ATP2B2: variants seen among roughly 807,000 people sequenced by gnomAD.
ATP2B2 encodes plasma membrane calcium-transporting ATPase 2.
Under a neutral mutation model 120.0 loss-of-function variants are expected in ATP2B2, and 15 were observed. The observed-to-expected ratio is 0.12, with a 90% CI of 0.08 to 0.19. The LOEUF (loss-of-function observed/expected upper bound fraction) is 0.19, where lower values mean the gene tolerates loss of function less well. Ranked by LOEUF, ATP2B2 falls within the 10% of genes least tolerant of loss-of-function variation. ATP2B2 has a pLI of 1.00. For synonymous variants in ATP2B2, 694 were observed against 700.3 expected (o/e 0.99, Z 0.14); for missense variants, 1,045 against 1,719.8 (o/e 0.61, Z 6.94).
rs570882153 is a variant in ATP2B2 at position 10,327,017 on chromosome 3, C to T, written c.*1797G>A. Reference sequence around the variant, plus strand: ...TTTTCCTCGAAGCATGGGACATCATCGATCATGGTATTCAAAATGTCTTTT... The same window carrying T: ...TTTTCCTCGAAGCATGGGACATCATTGATCATGGTATTCAAAATGTCTTTT... On this transcript the variant is annotated 3_prime_UTR_variant, in exon 23 of 23. Coordinates refer to ENST00000360273, the MANE Select transcript of ATP2B2 (RefSeq NM_001001331.4). 38 of 397,364 alleles carry T rather than the reference C, an allele frequency of 9.6e-5. No individual in the cohort carries two copies. In the South Asian group the frequency reaches 2.9e-3, roughly 30 times the overall value. 24.6% of individuals were successfully genotyped at this position (397,364 alleles called of 1,614,324 possible).
chr3:10,594,370 T>C (rs1166727240), intron 2 of ATP2B2, among the ~76,000 whole-genome samples: 2 of 152,068 alleles, frequency 1.3e-5, no homozygotes, highest in African/African-American at 4.8e-5. Flanking sequence ...ATATACACCA[T>C]GGAATACTAT....
At chr3:10,564,418 C>T (rs145950867) in intron 2 of ATP2B2, among the ~76,000 whole-genome samples, 37 of 152,272 alleles carry the variant, frequency 2.4e-4, no homozygotes, top group African/African-American at 8.9e-4. Context: ...GGCTATTAAG[C>T]CAGCAGCTCC....
At chr3:10,692,677 C>T (rs943660010) in intron 1 of ATP2B2, among the ~76,000 whole-genome samples, 1 of 152,184 alleles carries the variant, frequency 6.6e-6, no homozygotes, top group African/African-American at 2.4e-5. Context: ...CTCCCCAGGG[C>T]AACACTGGGT....
chr3:10,675,519 C>G (rs1332491974), intron 1 of ATP2B2, among the ~76,000 whole-genome samples: 1 of 152,192 alleles, frequency 6.6e-6, no homozygotes, highest in African/African-American at 2.4e-5. Context: ...ATTTGAGGCT[C>G]TGGTGCAGTC....
intron 22 of ATP2B2, among the ~76,000 whole-genome samples, chr3:10,334,684 T>C (rs1199094499): frequency 1.3e-5 from 2 of 152,228 alleles, no homozygotes; most frequent in African/African-American, 2.4e-5. Context: ...CCTTCCCTGC[T>C]TTCTGCTTCT....
At chr3:10,670,073 G>A (rs571347389) in intron 1 of ATP2B2, among the ~76,000 whole-genome samples, 10 of 152,298 alleles carry the variant, frequency 6.6e-5, no homozygotes, top group African/African-American at 1.7e-4. Context: ...TGAGAGGCAC[G>A]TTTGACAGGG....
intron 2 of ATP2B2, among the ~76,000 whole-genome samples, chr3:10,592,792 A>G (rs896816834): frequency 1.3e-5 from 2 of 151,922 alleles, no homozygotes; most frequent in Non-Finnish European, 2.9e-5. Context: ...CCCTCTCCCA[A>G]CTTTTTTTGG....
rs1251132863 is a variant in ATP2B2, at chr3:10,449,532, C to T, written c.12G>A (p.Met4Ile). The change falls in exon 2 of 23, where the codon ATG becomes ATA. Residue 4 changes from methionine (M) to isoleucine (I), a missense_variant. Around this residue, in one of 11 missense-constraint regions of ATP2B2, gnomAD observed 139 missense variants for 134.2 expected, o/e 1.04. Transcript: ENST00000360273. ...TTTTGGAGTAAAAGTCGCTGTTGGT[C>T]ATGTCACCCATGTTTGCTGCGGTCC... MGDMTNSDFYSKNQ... is the reference protein window; with the variant it reads MGDITNSDFYSKNQ... 1.2e-6 allele frequency: 2 copies of T among 1,614,254 alleles called. No homozygotes were observed. Among genetic ancestry groups the T allele is most frequent in the Non-Finnish European group, 1.7e-6 (2 of 1,180,054 alleles).
At chr3:10,428,950 C>G (rs190558073) in intron 2 of ATP2B2, among the ~76,000 whole-genome samples, 1 of 152,320 alleles carries the variant, frequency 6.6e-6, no homozygotes. Flanking sequence ...AGGGCTTTAG[C>G]AAAAATGAAA....
chr3:10,400,243 A>G (rs2062173902), intron 5 of ATP2B2, among the ~76,000 whole-genome samples: 1 of 152,214 alleles, frequency 6.6e-6, no homozygotes, highest in Non-Finnish European at 1.5e-5. Context: ...GAGAATCCTC[A>G]TCACACTGGG....
chr3:10,668,112 G>GGT (rs2070994045), intron 1 of ATP2B2, among the ~76,000 whole-genome samples: 1 of 152,218 alleles, frequency 6.6e-6, no homozygotes, highest in African/African-American at 2.4e-5. Flanking sequence ...GTGGCATTGG[G>GGT]GTGTGGCCTC....
chr3:10,598,995 T>C (rs968015172), intron 2 of ATP2B2, among the ~76,000 whole-genome samples: 1 of 152,246 alleles, frequency 6.6e-6, no homozygotes, highest in Non-Finnish European at 1.5e-5. Flanking sequence ...CCTGTGTTAC[T>C]GCCCCGGCCC....
upstream of ATP2B2, among the ~76,000 whole-genome samples, chr3:10,508,049 A>T (rs529264219): frequency 2.6e-5 from 4 of 152,072 alleles, no homozygotes; most frequent in African/African-American, 9.7e-5. Context: ...ACCAACGCAC[A>T]CTAGCAGCCA....
intron 8 of ATP2B2, among the ~76,000 whole-genome samples, chr3:10,384,722 C>T (rs1322346805): frequency 2.6e-5 from 4 of 152,218 alleles, no homozygotes; most frequent in Admixed American, 1.3e-4. Flanking sequence ...ACCCCCTGCC[C>T]GTTGGCTCCG....
intron 2 of ATP2B2, among the ~76,000 whole-genome samples, chr3:10,586,016 C>T (rs1328698957): frequency 6.6e-6 from 1 of 152,218 alleles, no homozygotes; most frequent in African/African-American, 2.4e-5. Flanking sequence ...GACATACTGA[C>T]TTTCTCCCTG....
chr3:10,662,112 A>G (rs2070798206), intron 1 of ATP2B2, among the ~76,000 whole-genome samples: 1 of 152,220 alleles, frequency 6.6e-6, no homozygotes, highest in Admixed American at 6.5e-5. Context: ...AGATGGAATA[A>G]AGACTTAAAT....
At position 10,664,182 on chromosome 3, in the gene ATP2B2, G is replaced by A. The variant is rs184384720; in HGVS notation, c.-460+43733C>T. On this transcript the variant is annotated intron_variant, in intron 1 of 21. Transcript: ENST00000646379. ...CCCAGAATCACTGAGCTCCAGAGCCGGCACCCTGCTCCCTTTTCCTTTTAT... is the reference window on the plus strand; with the variant it reads ...CCCAGAATCACTGAGCTCCAGAGCCAGCACCCTGCTCCCTTTTCCTTTTAT... 1.4e-3 allele frequency among the ~76,000 whole-genome samples: 208 copies of A among 152,114 alleles called. 2 individuals are homozygous for A. The highest frequency in any genetic ancestry group is 4.3e-3 in the African/African-American group (178 of 41,498).
chr3:10,532,435 CT>C (rs758505859), intron 3 of ATP2B2, among the ~76,000 whole-genome samples: 34 of 152,262 alleles, frequency 2.2e-4, no homozygotes, highest in Non-Finnish European at 4.7e-4. Context: ...ATTCCACTAC[CT>C]GGTTTCCACT....
intron 2 of ATP2B2, among the ~76,000 whole-genome samples, chr3:10,545,629 T>C (rs772511650): frequency 3.0e-4 from 45 of 152,174 alleles, no homozygotes; most frequent in Non-Finnish European, 5.0e-4. Flanking sequence ...TCCTCTGGGA[T>C]TGGACAGAAA....
Sources: allele counts gnomAD v4.1 joint callset (sites outside exome capture counted in the v4.1 genomes callset), GRCh38; gene constraint gnomAD v4.1.1; regional missense constraint gnomAD v4.1.1; transcripts MANE v1.5; gene names NCBI Gene and HGNC (gene_info 2026-07-23, HGNC 2026-07-21).